GABRB1: variants seen among roughly 807,000 people sequenced by gnomAD.
GABRB1 encodes gamma-aminobutyric acid receptor subunit beta-1.
A neutral mutation model predicts 51.6 loss-of-function variants in GABRB1; 17 were observed. The observed-to-expected ratio is 0.33, with a 90% confidence interval of 0.23 to 0.49. GABRB1 has a LOEUF of 0.49. GABRB1 is among the 20% of genes least tolerant of loss of function. GABRB1 has a pLI of 0.99. For missense variants in GABRB1, 410 were observed against 600.6 expected, an observed-to-expected ratio of 0.68 and a Z score of 3.32; for synonymous variants, 247 against 218.9, an observed-to-expected ratio of 1.13 and a Z score of -1.14.
intron 3 of GABRB1, among the ~76,000 whole-genome samples, chr4:47,050,506 G>T (rs1294600737): frequency 1.3e-5 from 2 of 152,052 alleles, no homozygotes; most frequent in Non-Finnish European, 1.5e-5. Flanking sequence ...GGAAATTTCA[G>T]ATGCAAAGGG....
intron 3 of GABRB1, among the ~76,000 whole-genome samples, chr4:47,079,363 T>A (rs1727719667): frequency 6.6e-6 from 1 of 152,180 alleles, no homozygotes; most frequent in Non-Finnish European, 1.5e-5. Flanking sequence ...GTCAAGGAAT[T>A]TCTCCATTTC....
chr4:47,037,520 A>G (rs1354727743), intron 3 of GABRB1, among the ~76,000 whole-genome samples: 2 of 147,532 alleles, frequency 1.4e-5, no homozygotes, highest in Non-Finnish European at 3.0e-5. Context: ...GATAGCATAT[A>G]TATATTCGTT....
At chr4:47,170,938 A>C (rs1718410908) in intron 4 of GABRB1, among the ~76,000 whole-genome samples, 1 of 152,136 alleles carries the variant, frequency 6.6e-6, no homozygotes, top group Admixed American at 6.6e-5. Flanking sequence ...AAAGAACTGC[A>C]ATTTTTGCCT....
chr4:47,225,790 C>T (rs942135114), intron 4 of GABRB1, among the ~76,000 whole-genome samples: 2 of 152,136 alleles, frequency 1.3e-5, no homozygotes, highest in East Asian at 3.9e-4. Flanking sequence ...TATTTCAGCA[C>T]AAATTAATAG....
chr4:47,232,876 A>ATTT (rs11357071), intron 4 of GABRB1, among the ~76,000 whole-genome samples: 3 of 135,942 alleles, frequency 2.2e-5, no homozygotes, highest in African/African-American at 2.7e-5. Flanking sequence ...TATGATCATC[A>ATTT]TTTTTTTTTT....
chr4:47,195,836 T>G (rs1397555521), intron 4 of GABRB1, among the ~76,000 whole-genome samples: 2 of 152,258 alleles, frequency 1.3e-5, no homozygotes, highest in African/African-American at 4.8e-5. Context: ...AAATTGAGTC[T>G]TAAACACTTT....
intron 5 of GABRB1, among the ~76,000 whole-genome samples, chr4:47,337,535 T>C (rs1725741619): frequency 6.6e-6 from 1 of 152,068 alleles, no homozygotes; most frequent in South Asian, 2.1e-4. Context: ...CCGGACACAG[T>C]GGCTCACACC....
At chr4:47,132,894 C>T (rs1433643424) in intron 3 of GABRB1, among the ~76,000 whole-genome samples, 1 of 152,178 alleles carries the variant, frequency 6.6e-6, no homozygotes, top group Non-Finnish European at 1.5e-5. Flanking sequence ...TTACAGCATA[C>T]TTCCCTTTAA....
intron 3 of GABRB1, among the ~76,000 whole-genome samples, chr4:47,120,200 T>C (rs1241668436): frequency 1.3e-5 from 2 of 152,174 alleles, no homozygotes; most frequent in African/African-American, 2.4e-5. Flanking sequence ...TATCCATATA[T>C]ATACACATAT....
chr4:47,246,277 C>CATATATAT (rs1160512931), intron 4 of GABRB1, among the ~76,000 whole-genome samples: 945 of 72,664 alleles, frequency 0.013, 46 homozygotes, highest in Non-Finnish European at 0.019. Flanking sequence ...AGTATTCCAT[C>CATATATAT]ATATATATAT....
At chr4:47,229,710 C>T (rs1723270786) in intron 4 of GABRB1, among the ~76,000 whole-genome samples, 1 of 151,992 alleles carries the variant, frequency 6.6e-6, no homozygotes, top group Non-Finnish European at 1.5e-5. Context: ...TGTATCTTTA[C>T]AAGAAGGGGC....
intron 3 of GABRB1, among the ~76,000 whole-genome samples, chr4:47,127,946 G>A (rs1308290646): frequency 6.6e-6 from 1 of 150,920 alleles, no homozygotes; most frequent in African/African-American, 2.4e-5. Flanking sequence ...AGGAAAAGGA[G>A]AAAAATAAAC....
chr4:47,171,631 ACTT>A (rs1718438789), intron 4 of GABRB1, among the ~76,000 whole-genome samples: 1 of 152,124 alleles, frequency 6.6e-6, no homozygotes, highest in Admixed American at 6.5e-5. Flanking sequence ...TTTAAAGAAA[ACTT>A]TCATTAGCTC....
At chr4:47,160,999 C>T (rs962980400) in intron 3 of GABRB1, among the ~76,000 whole-genome samples, 9 of 151,824 alleles carry the variant, frequency 5.9e-5, no homozygotes, top group African/African-American at 2.2e-4. Flanking sequence ...CATAACGTTC[C>T]GTAGGCTGGT....
At chr4:47,134,529 T>C (rs1019554692) in intron 3 of GABRB1, among the ~76,000 whole-genome samples, 1 of 152,068 alleles carries the variant, frequency 6.6e-6, no homozygotes, top group Non-Finnish European at 1.5e-5. Flanking sequence ...ATAAAGTCAA[T>C]AAAAATTTAA....
chr4:47,292,543 A>G (rs183266523), intron 4 of GABRB1, among the ~76,000 whole-genome samples: 48 of 152,388 alleles, frequency 3.1e-4, no homozygotes, highest in African/African-American at 9.9e-4. Flanking sequence ...AGAGTTTTAA[A>G]CAGTACATCC....
rs1394682108 is a variant in GABRB1 at position 47,361,645 on chromosome 4, G to T, written c.544+41436G>T. 2.0e-5 allele frequency among the ~76,000 whole-genome samples: 3 copies of T among 152,234 alleles called. No homozygotes were observed. In the East Asian group the frequency reaches 5.8e-4, roughly 29 times the overall value. ...GCATCTGCCAAATATGACAAAAATG[G>T]TTATGGCAGTGGTGATGGAAAAAAA... On this transcript the variant is annotated intron_variant, in intron 5 of 8. Transcript: ENST00000295454.
chr4:47,238,882 A>G (rs1721424247), intron 4 of GABRB1, among the ~76,000 whole-genome samples: 2 of 152,248 alleles, frequency 1.3e-5, no homozygotes, highest in Admixed American at 1.3e-4. Context: ...TCCCAAAGCT[A>G]GAAACATGAG....
intron 4 of GABRB1, among the ~76,000 whole-genome samples, chr4:47,202,943 C>A (rs183718452): frequency 1.6e-4 from 24 of 152,076 alleles, no homozygotes; most frequent in Non-Finnish European, 2.2e-4. Context: ...CTAACAAGGA[C>A]ACAAAGCCAT....
Sources: allele counts gnomAD v4.1 joint callset (sites outside exome capture counted in the v4.1 genomes callset), GRCh38; gene constraint gnomAD v4.1.1; transcripts MANE v1.5; gene names NCBI Gene and HGNC (gene_info 2026-07-23, HGNC 2026-07-21).